The following LAMA3 variants were observed in gnomAD, a reference collection of about 807,000 sequenced individuals.
The protein encoded by LAMA3 is laminin subunit alpha-3.
LAMA3 carries 281 observed loss-of-function variants against 402.0 expected under a neutral mutation model. That is an observed-to-expected ratio of 0.70 (90% CI 0.63 to 0.77). The LOEUF is 0.77. Ranked by LOEUF, LAMA3 falls within the 30% of genes least tolerant of loss-of-function variation. The pLI is 0.00. For synonymous variants in LAMA3, 1,431 were observed against 1,558.4 expected, an observed-to-expected ratio of 0.92 and a Z score of 1.93; for missense variants, 3,840 against 4,215.5, an observed-to-expected ratio of 0.91 and a Z score of 2.47.
In LAMA3 at chr18:23,904,061, A is replaced by G. The variant is rs1309552514; in HGVS notation, c.6447A>G (p.Leu2149=). Residue 2149 remains leucine (L), a synonymous_variant, in exon 50 of 75, where the codon TTA becomes TTG. Coordinates refer to ENST00000313654, the MANE Select transcript of LAMA3 (RefSeq NM_198129.4). ...VEEAEKHARS[L]QELAKQLEEI... ...AGGCAGAAAAGCACGCGCGGTCCTT[A>G]CAAGAGCTGGCAAAGCAGCTGGAAG... 6.2e-7 allele frequency: 1 copy of G among 1,613,946 alleles called. No individual in the cohort carries two copies. The highest frequency in any genetic ancestry group is 2.2e-5 in the East Asian group (1 of 44,886).
At chr18:23,928,031 G>T in intron 62 of LAMA3, 92 bp from the exon 63 acceptor site, 1 of 892,460 alleles carries the variant, frequency 1.1e-6, no homozygotes, top group Non-Finnish European at 1.9e-6. Context: ...TCATTTATGG[G>T]TGAAAAGTAC....
At chr18:23,836,914 C>A in intron 24 of LAMA3, 67 bp from the exon 25 acceptor site, 2 of 1,165,636 alleles carry the variant, frequency 1.7e-6, no homozygotes, top group Non-Finnish European at 2.6e-6. Context: ...TCAGCCAACC[C>A]AGAAGGATGT....
chr18:23,730,667 T>C (rs1321195738), intron 2 of LAMA3, among the ~76,000 whole-genome samples: 1 of 152,152 alleles, frequency 6.6e-6, no homozygotes, highest in Non-Finnish European at 1.5e-5. Flanking sequence ...GTGCCCAGGC[T>C]TCACTCTTTT....
At chr18:23,906,234 T>G (rs2081244713) in intron 52 of LAMA3, among the ~76,000 whole-genome samples, 1 of 152,190 alleles carries the variant, frequency 6.6e-6, no homozygotes. Context: ...GAGGCTATTT[T>G]AATTTAACCC....
chr18:23,814,599 C>T (rs2063140700), intron 15 of LAMA3, 97 bp downstream of exon 15: 2 of 801,488 alleles, frequency 2.5e-6, no homozygotes, highest in South Asian at 1.4e-5. Flanking sequence ...TTTGTTGAAT[C>T]ACTTCAATTT....
At chr18:23,931,289 A>G in intron 65 of LAMA3, 88 bp downstream of exon 65, 6 of 1,171,734 alleles carry the variant, frequency 5.1e-6, no homozygotes, top group East Asian at 4.7e-5. Flanking sequence ...TTTGCAAAAT[A>G]TTTGTCCTTG....
At position 23,690,001 on chromosome 18, in the gene LAMA3, G is replaced by A. The variant is rs1009613400; in HGVS notation, c.294+24G>A. The A allele has an allele frequency of 3.5e-6, 5 of 1,409,090 alleles. No homozygotes were observed. In the African/African-American group the frequency reaches 6.0e-5, roughly 17 times the overall value. 87.3% of individuals were successfully genotyped at this position (1,409,090 alleles called of 1,614,324 possible). ...AGGTGAGGGCCTCGGAGAGAGCCGG[G>A]GTGGGCGCGCCTTTTCCTTCCCGCG... On this transcript the variant is annotated intron_variant, in intron 1 of 74. Coordinates refer to ENST00000313654, the MANE Select transcript of LAMA3 (RefSeq NM_198129.4).
chr18:23,846,364 G>A lies in LAMA3; in HGVS notation c.3787G>A (p.Ala1263Thr), dbSNP rs758451170. Residue 1263 changes from alanine (A) to threonine (T), a missense_variant, in exon 31 of 75, where the codon GCC (alanine) becomes ACC (threonine). By Grantham distance (58) the Ala-to-Thr change is moderately conservative. Transcript: ENST00000313654. ...CCTGGTGGCCTTTTACCACAAGGGCGCCCTGCCTTGTGAGTGCCACCCCAC... is the reference window on the plus strand; with the variant it reads ...CCTGGTGGCCTTTTACCACAAGGGCACCCTGCCTTGTGAGTGCCACCCCAC... ...RSLVAFYHKG[A>T]LPCECHPTGA... is the part of the protein sequence containing the mutation. The A allele has an allele frequency of 6.9e-5, 111 of 1,614,104 alleles. No individual in the cohort carries two copies. Among genetic ancestry groups the A allele is most frequent in the Non-Finnish European group, 8.8e-5 (104 of 1,180,040 alleles).
chr18:23,849,893 G>T (rs551972200), intron 32 of LAMA3, among the ~76,000 whole-genome samples: 16 of 152,258 alleles, frequency 1.1e-4, no homozygotes, highest in African/African-American at 3.9e-4. Context: ...AAGTAGATTT[G>T]TCATAAAAGG....
chr18:23,741,864 C>T (rs1165969046), intron 2 of LAMA3, among the ~76,000 whole-genome samples: 1 of 152,064 alleles, frequency 6.6e-6, no homozygotes, highest in African/African-American at 2.4e-5. Flanking sequence ...AAGAATGCCC[C>T]ACCTGACAGC....
At chr18:23,867,790 A>G (rs2064400071) in intron 36 of LAMA3, 44 bp from the exon 37 acceptor site, 1 of 1,409,634 alleles carries the variant, frequency 7.1e-7, no homozygotes, top group Non-Finnish European at 1.0e-6. Context: ...ATCTTGAAAG[A>G]TCCCAGTGAA....
At chr18:23,763,791 TC>T (rs760608060) in intron 8 of LAMA3, among the ~76,000 whole-genome samples, 4 of 152,296 alleles carry the variant, frequency 2.6e-5, no homozygotes, top group African/African-American at 7.2e-5. Flanking sequence ...TTCCAGGTTA[TC>T]ATCTCTGGCT....
chr18:23,833,206 C>G (rs1025246594), intron 23 of LAMA3, among the ~76,000 whole-genome samples: 2 of 152,146 alleles, frequency 1.3e-5, no homozygotes, highest in Non-Finnish European at 2.9e-5. Context: ...CATCATAGCA[C>G]AAAGACATCC....
intron 13 of LAMA3, among the ~76,000 whole-genome samples, chr18:23,812,027 C>T (rs990561239): frequency 6.6e-6 from 1 of 151,992 alleles, no homozygotes; most frequent in African/African-American, 2.4e-5. Flanking sequence ...GCATGTGCCA[C>T]CATGCCTAGC....
intron 2 of LAMA3, among the ~76,000 whole-genome samples, chr18:23,720,332 A>G (rs1249266774): frequency 2.0e-5 from 3 of 152,136 alleles, no homozygotes; most frequent in Non-Finnish European, 2.9e-5. Flanking sequence ...CAATTTTGCT[A>G]TTAATAAATG....
At chr18:23,894,668 A>T (rs541434814) in intron 43 of LAMA3, among the ~76,000 whole-genome samples, 1 of 152,204 alleles carries the variant, frequency 6.6e-6, no homozygotes, top group East Asian at 1.9e-4. Context: ...GGCTATTATT[A>T]TTTTCCTTAT....
intron 1 of LAMA3, among the ~76,000 whole-genome samples, chr18:23,702,350 A>G (rs1003902880): frequency 1.3e-5 from 2 of 152,180 alleles, no homozygotes; most frequent in Admixed American, 6.5e-5. Flanking sequence ...CTAATTTTAG[A>G]GACAGCGTCT....
chr18:23,836,838 C>T (rs2063590948), intron 24 of LAMA3, 143 bp from the exon 25 acceptor site: 1 of 697,840 alleles, frequency 1.4e-6, no homozygotes, highest in Admixed American at 2.0e-5. Flanking sequence ...CATCCTTCTT[C>T]AACTCATCAT....
intron 17 of LAMA3, among the ~76,000 whole-genome samples, 164 bp from the exon 18 acceptor site, chr18:23,816,224 T>G (rs1472021285): frequency 6.6e-6 from 1 of 152,228 alleles, no homozygotes; most frequent in Admixed American, 6.5e-5. Flanking sequence ...CATTTTGGTT[T>G]GGGAGTTTCC....
Sources: allele counts gnomAD v4.1 joint callset (sites outside exome capture counted in the v4.1 genomes callset), GRCh38; gene constraint gnomAD v4.1.1; transcripts MANE v1.5; gene names NCBI Gene and HGNC (gene_info 2026-07-23, HGNC 2026-07-21).